Variants in ADRA1A observed in about 807,000 individuals in gnomAD.
ADRA1A encodes alpha-1A adrenergic receptor.
A neutral mutation model predicts 29.6 loss-of-function variants in ADRA1A; 31 were observed. The observed-to-expected ratio is 1.05, with a 90% CI of 0.79 to 1.41. ADRA1A has a LOEUF of 1.41. Ranked by LOEUF, ADRA1A falls within the 40% of genes most tolerant of loss-of-function variation. ADRA1A has a pLI of 0.00. For synonymous variants in ADRA1A, 311 were observed against 254.3 expected, an observed-to-expected ratio of 1.22 and a Z score of -2.12; for missense variants, 619 against 601.1, an observed-to-expected ratio of 1.03 and a Z score of -0.31.
intron 2 of ADRA1A, among the ~76,000 whole-genome samples, chr8:26,847,667 G>A (rs1258423484): frequency 1.3e-5 from 2 of 152,176 alleles, no homozygotes; most frequent in Non-Finnish European, 2.9e-5. Context: ...GGGCAAAGAC[G>A]ACTGCTCTGC....
intron 2 of ADRA1A, among the ~76,000 whole-genome samples, chr8:26,803,182 AC>A (rs35334556): frequency 0.087 from 13,198 of 152,188 alleles, 899 homozygotes; most frequent in East Asian, 0.33. Flanking sequence ...CAGAGTGACT[AC>A]AGTCAGCAAT....
At chr8:26,761,297 G>A (rs895746100), downstream of ADRA1A, among the ~76,000 whole-genome samples, 7 of 152,178 alleles carry the variant, frequency 4.6e-5, no homozygotes, top group African/African-American at 1.4e-4. Flanking sequence ...CTTCTAATCT[G>A]GGAAAAGAAT....
chr8:26,850,776 G>GGA (rs1812573895), intron 2 of ADRA1A, among the ~76,000 whole-genome samples: 1 of 152,194 alleles, frequency 6.6e-6, no homozygotes, highest in Admixed American at 6.5e-5. Flanking sequence ...ACAGGTGTGA[G>GGA]TCACTGCACA....
At chr8:26,793,716 T>C (rs1807988805) in intron 2 of ADRA1A, among the ~76,000 whole-genome samples, 1 of 151,978 alleles carries the variant, frequency 6.6e-6, no homozygotes, top group Admixed American at 6.6e-5. Flanking sequence ...AGAATTTTGA[T>C]AAATTTGAAG....
intron 2 of ADRA1A, among the ~76,000 whole-genome samples, chr8:26,838,347 C>A (rs1811548824): frequency 6.6e-6 from 1 of 152,196 alleles, no homozygotes; most frequent in Non-Finnish European, 1.5e-5. Context: ...ACTGACACCA[C>A]CTTCCGAGGC....
In ADRA1A at chr8:26,821,400, C is replaced by A. The variant is rs1184032578; in HGVS notation, c.883+42687G>T. Among the ~76,000 whole-genome samples, 1 of 152,064 alleles carries A rather than the reference C, an allele frequency of 6.6e-6. No homozygotes were observed. Among genetic ancestry groups the A allele is most frequent in the Non-Finnish European group, 1.5e-5 (1 of 68,020 alleles). On this transcript the variant is annotated intron_variant, in intron 2 of 2. Coordinates refer to ENST00000380573, the MANE Select transcript of ADRA1A (RefSeq NM_000680.4). This position sits in a 1 kb window ranked among gnomAD's most constrained non-coding sequence, Gnocchi z 5.6. ...TGGTGAGAGTGGGAGCAAGACAGAG[C>A]AAGGGAGTGGGGAGGCCTCAGACTT...
intron 2 of ADRA1A, among the ~76,000 whole-genome samples, chr8:26,863,832 G>T (rs1304321529): frequency 6.6e-6 from 1 of 152,152 alleles, no homozygotes; most frequent in South Asian, 2.1e-4. Flanking sequence ...TTATTAAAGA[G>T]ACCAATTAAT....
chr8:26,770,389 C>T lies in ADRA1A; in HGVS notation c.1161G>A (p.Arg387=). 1 of 1,614,218 alleles carries T rather than the reference C, an allele frequency of 6.2e-7. No homozygotes were observed. Among genetic ancestry groups the T allele is most frequent in the Non-Finnish European group, 8.5e-7 (1 of 1,180,034 alleles). The part of the protein sequence containing the change: ...IPVGSRETFY[R]ISKTDGVCEW... ...CACAAACGCCATCCGTCTTGGAGAT[C>T]CTGTAGAAGGTCTCTCTTGATCCCA... Residue 387 remains arginine, a synonymous_variant, in exon 3 of 3, where the codon AGG becomes AGA. Coordinates refer to ENST00000380573, the MANE Select transcript of ADRA1A (RefSeq NM_000680.4).
At chr8:26,826,944 A>G (rs1043436442) in intron 2 of ADRA1A, among the ~76,000 whole-genome samples, 2 of 152,252 alleles carry the variant, frequency 1.3e-5, no homozygotes, top group African/African-American at 4.8e-5. Context: ...GGAAAAATGA[A>G]AAAACTTACA....
chr8:26,856,407 G>A (rs1331194637), intron 2 of ADRA1A, among the ~76,000 whole-genome samples: 1 of 152,174 alleles, frequency 6.6e-6, no homozygotes, highest in Non-Finnish European at 1.5e-5. Flanking sequence ...ACTCTATCAT[G>A]TCATTCCTGC....
chr8:26,797,436 A>G (rs1004384612), intron 2 of ADRA1A, among the ~76,000 whole-genome samples: 7 of 152,012 alleles, frequency 4.6e-5, no homozygotes, highest in African/African-American at 1.4e-4. Flanking sequence ...AGCTGGGACT[A>G]TAGGCATGAG....
In ADRA1A at chr8:26,816,531, GTA is replaced by G. The variant is rs146802877; in HGVS notation, c.884-45867_884-45866del. On this transcript the variant is annotated intron_variant, in intron 2 of 2. Coordinates refer to ENST00000380573, the MANE Select transcript of ADRA1A (RefSeq NM_000680.4). ...AAACAACAAGAGAGGTGCTCATGGT[GTA>G]TGTGTGTGTGTGTGTGTGTGTGTGT... Among the ~76,000 whole-genome samples the G allele has an allele frequency of 1.0e-3, 131 of 129,292 alleles. 1 individual carries two copies. Among genetic ancestry groups the G allele is most frequent in the African/African-American group, 3.3e-3 (109 of 33,076 alleles). 84.8% of individuals were successfully genotyped at this position (129,292 alleles called of 152,430 possible). A position where few individuals can be genotyped will look rare whatever the true frequency, so the allele number is the denominator to read the frequency against.
At chr8:26,811,795 C>T (rs1423913037) in intron 2 of ADRA1A, among the ~76,000 whole-genome samples, 1 of 152,224 alleles carries the variant, frequency 6.6e-6, no homozygotes, top group African/African-American at 2.4e-5. Context: ...TTAGTTCGAT[C>T]TGCTTTTGAA....
intron 2 of ADRA1A, among the ~76,000 whole-genome samples, chr8:26,861,860 T>C (rs544585392): frequency 7.2e-5 from 11 of 152,278 alleles, no homozygotes; most frequent in African/African-American, 2.4e-4. Flanking sequence ...CCTCTACCTG[T>C]CTCACCTGAG....
downstream of ADRA1A, among the ~76,000 whole-genome samples, chr8:26,755,070 C>G (rs1805093847): frequency 6.6e-6 from 1 of 152,114 alleles, no homozygotes; most frequent in South Asian, 2.1e-4. Context: ...TTAGTAGGAA[C>G]ACTGAATTGC....
chr8:26,838,310 G>T (rs1811546667), intron 2 of ADRA1A, among the ~76,000 whole-genome samples: 1 of 152,150 alleles, frequency 6.6e-6, no homozygotes, highest in Non-Finnish European at 1.5e-5. Context: ...AAGCCAAGTT[G>T]GAGCAGCTTA....
rs575531629 is a variant in ADRA1A, at chr8:26,792,261, T to A, written c.884-21595A>T. Among the ~76,000 whole-genome samples, 5 of 152,274 alleles carry A rather than the reference T, an allele frequency of 3.3e-5. No homozygotes were observed. The South Asian group carries it at 6.2e-4, about 19-fold the overall frequency. Reference sequence around the variant, plus strand: ...TGCCAATTTGATAGGTAAAATATGATATATTTTAATATTTTATTAGTTATT... The same window carrying A: ...TGCCAATTTGATAGGTAAAATATGAAATATTTTAATATTTTATTAGTTATT... On this transcript the variant is annotated intron_variant, in intron 2 of 2. Transcript: ENST00000380573.
At position 26,770,295 on chromosome 8, in the gene ADRA1A, A is replaced by C; in HGVS notation, c.1255T>G (p.Cys419Gly). Reference sequence around the variant, plus strand: ...TTACTTCTCACCCGGGCTGTGGTACAGGAGGATTGGTCTTTGGACACTGTA... The same window carrying C: ...TTACTTCTCACCCGGGCTGTGGTACCGGAGGATTGGTCTTTGGACACTGTA... ...RITVSKDQSS[C>G]TTARVRSKSF... Residue 419 changes from cysteine (C) to glycine (G), a missense_variant, in exon 3 of 3, where the codon TGT becomes GGT. Transcript: ENST00000380573. 1.2e-6 allele frequency: 2 copies of C among 1,614,244 alleles called. No homozygotes were observed. The highest frequency in any genetic ancestry group is 1.7e-6 in the Non-Finnish European group (2 of 1,180,042).
At chr8:26,822,655 T>A (rs1019855097) in intron 2 of ADRA1A, among the ~76,000 whole-genome samples, 26 of 152,364 alleles carry the variant, frequency 1.7e-4, no homozygotes, top group African/African-American at 5.8e-4. Flanking sequence ...AAGGATGGTT[T>A]AGATACAGGC....
Sources: allele counts gnomAD v4.1 joint callset (sites outside exome capture counted in the v4.1 genomes callset), GRCh38; gene constraint gnomAD v4.1.1; non-coding constraint Gnocchi (gnomAD v3.1); transcripts MANE v1.5; gene names NCBI Gene and HGNC (gene_info 2026-07-23, HGNC 2026-07-21).